The following IGSF5 variants were observed in gnomAD, a reference collection of about 807,000 sequenced individuals.
IGSF5 encodes immunoglobulin superfamily member 5.
Under a neutral mutation model 39.4 loss-of-function variants are expected in IGSF5, and 41 were observed. That is an observed-to-expected ratio of 1.04 (90% CI 0.81 to 1.35). The LOEUF (loss-of-function observed/expected upper bound fraction) is 1.35. IGSF5 is among the 40% of genes most tolerant of loss of function. The pLI is 0.00. For synonymous variants in IGSF5, 183 were observed against 175.3 expected, an observed-to-expected ratio of 1.04 and a Z score of -0.34; for missense variants, 487 against 494.6, an observed-to-expected ratio of 0.98 and a Z score of 0.15.
At chr21:39,733,109 A>C in the IGSF5 span, among the ~76,000 whole-genome samples, 3 of 152,176 alleles carry the variant, frequency 2.0e-5, no homozygotes, top group African/African-American at 4.8e-5. Flanking sequence ...TACCAAAGAC[A>C]AAATAAAAGA....
chr21:39,725,373 G>A, the IGSF5 span, among the ~76,000 whole-genome samples: 2 of 152,198 alleles, frequency 1.3e-5, no homozygotes, highest in African/African-American at 2.4e-5. Flanking sequence ...AAATGAAACC[G>A]AGATATTTTT....
At chr21:39,778,322 A>G (rs2080151239) in intron 4 of IGSF5, among the ~76,000 whole-genome samples, 1 of 152,344 alleles carries the variant, frequency 6.6e-6, no homozygotes, top group East Asian at 1.9e-4. Context: ...TTGGATGATC[A>G]TGTGAAGCCA....
chr21:39,741,836 G>A (rs2146265901), upstream of IGSF5, among the ~76,000 whole-genome samples: 1 of 152,238 alleles, frequency 6.6e-6, no homozygotes, highest in Non-Finnish European at 1.5e-5. Flanking sequence ...GAGTATAAGG[G>A]CTAGGTATAG....
chr21:39,718,995 G>A, the IGSF5 span, among the ~76,000 whole-genome samples: 1 of 151,994 alleles, frequency 6.6e-6, no homozygotes, highest in East Asian at 1.9e-4. Flanking sequence ...TTTTTGATTA[G>A]CAGGCTATTT....
chr21:39,787,633 T>A (rs1218339519), intron 5 of IGSF5, among the ~76,000 whole-genome samples: 3 of 149,656 alleles, frequency 2.0e-5, no homozygotes, highest in Non-Finnish European at 3.0e-5. Context: ...TGAAAATGTA[T>A]CTTTGAATTA....
chr21:39,783,797 G>A (rs1162532005), intron 5 of IGSF5, among the ~76,000 whole-genome samples: 11 of 152,032 alleles, frequency 7.2e-5, no homozygotes. Context: ...CTTTGTCTAG[G>A]CCAATGTCCT....
the IGSF5 span, among the ~76,000 whole-genome samples, chr21:39,730,918 A>G: frequency 6.6e-6 from 1 of 152,214 alleles, no homozygotes; most frequent in South Asian, 2.1e-4. Context: ...CAAGAAACCA[A>G]CAAAAGGCCC....
chr21:39,736,180 C>T, the IGSF5 span, among the ~76,000 whole-genome samples: 1 of 152,154 alleles, frequency 6.6e-6, no homozygotes. Context: ...TCCCCACGCC[C>T]CCTCATCCTA....
chr21:39,756,065 TG>T (rs771017777), intron 2 of IGSF5, among the ~76,000 whole-genome samples: 84 of 152,062 alleles, frequency 5.5e-4, no homozygotes, highest in Non-Finnish European at 1.0e-3. Flanking sequence ...CACTCCAGCC[TG>T]GGCAACAGAG....
In IGSF5 at chr21:39,745,612, G is replaced by A. The variant is rs572250010; in HGVS notation, c.17+86G>A. Reference sequence around the variant, plus strand: ...TCAGCTACTGCTGGGAGGTTGGGACGACAGCTTTCTGCCTCTAGTTGGCCC... The same window carrying A: ...TCAGCTACTGCTGGGAGGTTGGGACAACAGCTTTCTGCCTCTAGTTGGCCC... On this transcript the variant is annotated intron_variant, in intron 1 of 8. Transcript: ENST00000380588. 221 of 695,418 alleles carry A rather than the reference G, an allele frequency of 3.2e-4. 1 individual carries two copies. Among genetic ancestry groups the A allele is most frequent in the Non-Finnish European group, 5.1e-4 (191 of 378,058 alleles). 43.1% of individuals were successfully genotyped at this position (695,418 alleles called of 1,614,324 possible).
At chr21:39,715,238 C>T in the IGSF5 span, among the ~76,000 whole-genome samples, 11 of 152,106 alleles carry the variant, frequency 7.2e-5, no homozygotes, top group Non-Finnish European at 1.5e-4. Flanking sequence ...CTGCCTCAGC[C>T]TTGCAAGTAG....
chr21:39,711,998 C>G, the IGSF5 span, among the ~76,000 whole-genome samples: 1 of 152,260 alleles, frequency 6.6e-6, no homozygotes, highest in Non-Finnish European at 1.5e-5. Context: ...AAGTCCCCCT[C>G]TGGGGAGCTG....
intron 3 of IGSF5, among the ~76,000 whole-genome samples, chr21:39,767,536 G>A (rs1056341430): frequency 6.6e-6 from 1 of 152,154 alleles, no homozygotes; most frequent in Non-Finnish European, 1.5e-5. Flanking sequence ...TGTCAAATGA[G>A]TAGGTCTATG....
At chr21:39,741,113 G>GT (rs1291608206), upstream of IGSF5, among the ~76,000 whole-genome samples, 2 of 151,584 alleles carry the variant, frequency 1.3e-5, no homozygotes, top group East Asian at 1.9e-4. Context: ...TTGTTTGTTT[G>GT]TTTTTTGTGA....
chr21:39,769,000 G>A (rs2080100453), intron 3 of IGSF5, among the ~76,000 whole-genome samples: 1 of 152,124 alleles, frequency 6.6e-6, no homozygotes, highest in Admixed American at 6.5e-5. Flanking sequence ...GTGCACAGGA[G>A]AGCTTTCCAC....
At chr21:39,720,507 C>T in the IGSF5 span, among the ~76,000 whole-genome samples, 2 of 152,258 alleles carry the variant, frequency 1.3e-5, no homozygotes, top group Admixed American at 6.5e-5. Context: ...ACGTGAAAAA[C>T]ATCAGACAAA....
chr21:39,735,590 A>G, the IGSF5 span, among the ~76,000 whole-genome samples: 16 of 152,240 alleles, frequency 1.1e-4, no homozygotes, highest in Non-Finnish European at 1.5e-4. Context: ...AAGGATTTTA[A>G]AAAAGATAAC....
rs554540959 is a variant in IGSF5, at chr21:39,779,658, A to C, written c.934+353A>C. ...AAAGATATGGAATCAACCTATGTACATCAATAGATGAATGGATAAAGAAAA... is the reference window on the plus strand; with the variant it reads ...AAAGATATGGAATCAACCTATGTACCTCAATAGATGAATGGATAAAGAAAA... On this transcript the variant is annotated intron_variant, in intron 5 of 8. Coordinates refer to ENST00000380588, the MANE Select transcript of IGSF5 (RefSeq NM_001080444.2). 2.0e-5 allele frequency among the ~76,000 whole-genome samples: 3 copies of C among 152,234 alleles called. No homozygotes were observed. In the South Asian group the frequency reaches 6.2e-4, roughly 32 times the overall value.
chr21:39,760,915 C>A (rs2080058697), intron 2 of IGSF5, among the ~76,000 whole-genome samples: 1 of 152,052 alleles, frequency 6.6e-6, no homozygotes, highest in South Asian at 2.1e-4. Context: ...CTGTTTTTAT[C>A]CTAAATGATG....
Sources: allele counts gnomAD v4.1 joint callset (sites outside exome capture counted in the v4.1 genomes callset), GRCh38; gene constraint gnomAD v4.1.1; transcripts MANE v1.5; gene names NCBI Gene and HGNC (gene_info 2026-07-23, HGNC 2026-07-21).